The following PCDH11X variants were observed in gnomAD, a reference collection of about 807,000 sequenced individuals.
The protein encoded by PCDH11X is protocadherin-11 X-linked.
In PCDH11X, 18 loss-of-function variants were observed where a neutral mutation model predicts 53.3. The ratio of observed to expected loss-of-function variants is 0.34; its 90% confidence interval spans 0.23 to 0.50. PCDH11X has a LOEUF of 0.50. PCDH11X is among the 20% of genes least tolerant of loss of function. The pLI is 0.98. For missense variants in PCDH11X, 570 were observed against 1,032.4 expected, an observed-to-expected ratio of 0.55 and a Z score of 6.14; for synonymous variants, 279 against 393.3, an observed-to-expected ratio of 0.71 and a Z score of 3.44.
intron 4 of PCDH11X, among the ~76,000 whole-genome samples, chrX:91,815,880 C>T (rs1049488634): frequency 5.4e-5 from 6 of 110,793 alleles, no homozygotes; most frequent in Non-Finnish European, 1.1e-4. Context: ...AATATCCCAG[C>T]ACTTTGGGAG....
intron 5 of PCDH11X, among the ~76,000 whole-genome samples, chrX:91,850,082 C>T (rs1333979117): frequency 9.1e-6 from 1 of 110,192 alleles, no homozygotes; most frequent in Non-Finnish European, 1.9e-5. Flanking sequence ...TAGTAAACTC[C>T]CCTCTTTAGT....
At chrX:92,132,339 C>T (rs2064994123) in intron 6 of PCDH11X, among the ~76,000 whole-genome samples, 1 of 84,208 alleles carries the variant, frequency 1.2e-5, no homozygotes, top group Non-Finnish European at 2.2e-5. Context: ...GGCGCAGTGG[C>T]TCACGACGCT....
Position 92,620,964 on chromosome X carries a change from T to A in PCDH11X, c.*2024T>A. 2 of 108,255 alleles carry A rather than the reference T, an allele frequency of 1.8e-5. No individual in the cohort carries two copies. The highest frequency in any genetic ancestry group is 7.9e-4 in the South Asian group (2 of 2,532). The allele number at this position is 108,255 out of a possible 1,213,427, so 8.9% of individuals were successfully genotyped here. A position where few individuals can be genotyped will look rare whatever the true frequency, so the allele number is the denominator to read the frequency against. ...TTGTTGATGTTGAAAATTTTAAACT[T>A]GGGGAAGATTAAGAAAAGAACCAAT... On this transcript the variant is annotated 3_prime_UTR_variant, in exon 11 of 11. Transcript: ENST00000682573.
intron 1 of PCDH11X, among the ~76,000 whole-genome samples, chrX:91,786,819 C>T (rs1401550111): frequency 9.2e-6 from 1 of 108,994 alleles, no homozygotes; most frequent in African/African-American, 3.3e-5. Flanking sequence ...AGGTCTTTTC[C>T]CAACATCCCT....
chrX:92,246,161 G>A (rs1248406966), intron 7 of PCDH11X, among the ~76,000 whole-genome samples: 1 of 110,906 alleles, frequency 9.0e-6, no homozygotes, highest in East Asian at 2.8e-4. Flanking sequence ...TACTACAGAG[G>A]TTACATAATA....
At chrX:91,835,035 A>G (rs1239497510) in intron 4 of PCDH11X, 1 of 721,127 alleles carries the variant, frequency 1.4e-6, no homozygotes, top group Non-Finnish European at 1.7e-6. Context: ...CATTGCCAAG[A>G]GAATAATTGC....
intron 6 of PCDH11X, among the ~76,000 whole-genome samples, chrX:92,009,353 G>A (rs1027803954): frequency 3.6e-5 from 4 of 111,384 alleles, no homozygotes; most frequent in African/African-American, 1.3e-4. Context: ...TTTTTAACAA[G>A]ATAGTCTATC....
At chrX:91,998,154 G>A (rs1401478356) in intron 6 of PCDH11X, among the ~76,000 whole-genome samples, 6 of 110,006 alleles carry the variant, frequency 5.5e-5, no homozygotes, top group East Asian at 2.9e-4. Flanking sequence ...GGCTGGGCTC[G>A]AACTCCTGAC....
At chrX:92,537,048 T>G (rs2074671717) in intron 10 of PCDH11X, among the ~76,000 whole-genome samples, 1 of 111,809 alleles carries the variant, frequency 8.9e-6, no homozygotes, top group African/African-American at 3.3e-5. Context: ...TTATTGAATT[T>G]TTTCTTATGA....
At chrX:92,105,218 T>C (rs1047251900) in intron 6 of PCDH11X, among the ~76,000 whole-genome samples, 11 of 111,215 alleles carry the variant, frequency 9.9e-5, no homozygotes, top group Non-Finnish European at 2.1e-4. Context: ...GAAGTGTGGT[T>C]CCAAGATTGA....
At chrX:92,556,170 G>C (rs935137717) in intron 10 of PCDH11X, among the ~76,000 whole-genome samples, 11 of 111,153 alleles carry the variant, frequency 9.9e-5, no homozygotes, top group Middle Eastern at 4.6e-3. Context: ...GATAAGATTT[G>C]GGTGGAGACA....
In PCDH11X at chrX:92,011,915, T is replaced by C. The variant is rs113765784; in HGVS notation, c.3033+132642T>C. On this transcript the variant is annotated intron_variant, in intron 6 of 10. Transcript: ENST00000682573. ...AATTTTGTTTCAGTGTTAGAGCCAG[T>C]CTCAGAATCTAGGCCTTCTTTCCCC... Among the ~76,000 whole-genome samples the C allele has an allele frequency of 2.1e-3, 236 of 110,548 alleles. 1 individual carries two copies. The highest frequency in any genetic ancestry group is 7.4e-3 in the African/African-American group (225 of 30,595).
intron 6 of PCDH11X, among the ~76,000 whole-genome samples, chrX:91,967,701 C>A (rs1569281813): frequency 9.0e-6 from 1 of 111,210 alleles, no homozygotes; most frequent in Non-Finnish European, 1.9e-5. Flanking sequence ...AAAAGGAAGA[C>A]CCCCCTAGCA....
intron 10 of PCDH11X, among the ~76,000 whole-genome samples, chrX:92,474,024 T>C (rs2073324655): frequency 9.0e-6 from 1 of 111,275 alleles, no homozygotes; most frequent in Non-Finnish European, 1.9e-5. Context: ...ATTTTCTGTC[T>C]GAAAGGTCCA....
At chrX:92,416,551 T>A (rs932972215) in intron 9 of PCDH11X, among the ~76,000 whole-genome samples, 1 of 108,950 alleles carries the variant, frequency 9.2e-6, no homozygotes, top group Non-Finnish European at 1.9e-5. Context: ...AAAAAAAAAA[T>A]CTCGGATTGA....
chrX:92,023,951 A>G (rs1313689165), intron 6 of PCDH11X, among the ~76,000 whole-genome samples: 1 of 106,240 alleles, frequency 9.4e-6, no homozygotes, highest in Admixed American at 1.0e-4. Context: ...AAGGCCTTTG[A>G]TAAAATTCAA....
chrX:91,827,688 C>T lies in PCDH11X; in HGVS notation c.-44-7773C>T, dbSNP rs774622701. ...CACATGGCTACCCAGATGTCCCAGC[C>T]CGATTTGTTGTGTAAGGAGTCTTTT... On this transcript the variant is annotated intron_variant, in intron 4 of 10. Transcript: ENST00000682573. Among the ~76,000 whole-genome samples the T allele has an allele frequency of 2.2e-3, 243 of 110,894 alleles. 2 individuals carry two copies. The highest frequency in any genetic ancestry group is 7.5e-3 in the African/African-American group (228 of 30,405).
chrX:91,809,224 T>C (rs989695956), intron 1 of PCDH11X, among the ~76,000 whole-genome samples: 12 of 111,635 alleles, frequency 1.1e-4, no homozygotes, highest in Admixed American at 2.9e-4. Flanking sequence ...TATCTTGCAA[T>C]CTCTTACTCT....
In PCDH11X at chrX:92,061,041, ATC is replaced by A. The variant is rs758928271; in HGVS notation, c.3034-140331_3034-140330del. Among the ~76,000 whole-genome samples the A allele has an allele frequency of 2.5e-3, 282 of 112,022 alleles. 1 individual carries two copies. Among genetic ancestry groups the A allele is most frequent in the African/African-American group, 8.9e-3 (274 of 30,902 alleles). Reference sequence around the variant, plus strand: ...GCCATTCTTACTGGCATGCAATAGTATCTCATTGTAGTTTTCATTTGCATTTC... The same window carrying A: ...GCCATTCTTACTGGCATGCAATAGTATCATTGTAGTTTTCATTTGCATTTC... On this transcript the variant is annotated intron_variant, in intron 6 of 10. Transcript: ENST00000682573.
Sources: allele counts gnomAD v4.1 joint callset (sites outside exome capture counted in the v4.1 genomes callset), GRCh38; gene constraint gnomAD v4.1.1; transcripts MANE v1.5; gene names NCBI Gene and HGNC (gene_info 2026-07-23, HGNC 2026-07-21).